Variants in EML1 observed in about 807,000 individuals in gnomAD.
EML1 encodes echinoderm microtubule-associated protein-like 1.
EML1 carries 27 observed loss-of-function variants against 110.4 expected under a neutral mutation model. The ratio of observed to expected loss-of-function variants is 0.24; its 90% CI spans 0.18 to 0.34. The LOEUF is 0.34. Among genes scored for constraint, EML1 ranks in the 10% least tolerant of loss-of-function variants. The pLI is 1.00. For synonymous variants in EML1, 344 were observed against 385.8 expected (o/e 0.89, Z 1.27); for missense variants, 741 against 1,030.9 (o/e 0.72, Z 3.85).
Position 99,914,711 on chromosome 14 carries a change from T to G in EML1, c.1752+14T>G. ...AAAATAATAGAGGTAAACATGCACATTACATTTCCATTTTTCTTACAGAAA... is the reference window on the plus strand; with the variant it reads ...AAAATAATAGAGGTAAACATGCACAGTACATTTCCATTTTTCTTACAGAAA... On this transcript the variant is annotated intron_variant, in intron 15 of 21. Coordinates refer to ENST00000262233, the MANE Select transcript of EML1 (RefSeq NM_004434.3). 2 of 1,593,568 alleles carry G rather than the reference T, an allele frequency of 1.3e-6. No homozygotes were observed. The highest frequency in any genetic ancestry group is 1.9e-5 in the Admixed American group (1 of 53,290).
chr14:99,908,973 T>C (rs1320351236), intron 10 of EML1, among the ~76,000 whole-genome samples: 3 of 152,222 alleles, frequency 2.0e-5, no homozygotes, highest in African/African-American at 7.2e-5. Flanking sequence ...AACCCATGAC[T>C]AGCAGATGAG....
intron 15 of EML1, among the ~76,000 whole-genome samples, chr14:99,917,396 T>G (rs968974718): frequency 3.9e-5 from 6 of 151,944 alleles, no homozygotes; most frequent in African/African-American, 1.2e-4. Context: ...ATAGGGAGAC[T>G]CCATCTCTAC....
At chr14:99,908,323 TTGAC>T in intron 10 of EML1, among the ~76,000 whole-genome samples, 1 of 152,280 alleles carries the variant, frequency 6.6e-6, no homozygotes, top group Non-Finnish European at 1.5e-5. Flanking sequence ...TTCCCTTGCC[TTGAC>T]TGACCTTTTT....
intron 2 of EML1, among the ~76,000 whole-genome samples, chr14:99,853,859 C>T (rs1393974673): frequency 2.0e-5 from 3 of 152,086 alleles, no homozygotes; most frequent in African/African-American, 4.8e-5. Context: ...TTAGTAGAGA[C>T]GGGGTTTCAC....
intron 4 of EML1, among the ~76,000 whole-genome samples, chr14:99,889,721 G>A (rs1023037582): frequency 9.2e-5 from 14 of 152,334 alleles, no homozygotes; most frequent in African/African-American, 3.4e-4. Flanking sequence ...GGAATATAGT[G>A]AAGGGAGATG....
chr14:99,892,090 G>A, intron 5 of EML1: 1 of 975,310 alleles, frequency 1.0e-6, no homozygotes, highest in Non-Finnish European at 1.2e-6. Context: ...CGGGCTCCGG[G>A]GCAGGCAGGC....
chr14:99,900,194 T>C (rs2140016133), intron 8 of EML1, among the ~76,000 whole-genome samples: 1 of 149,168 alleles, frequency 6.7e-6, no homozygotes, highest in Non-Finnish European at 1.5e-5. Context: ...TTTTTTTTTT[T>C]TTTTTTTTTT....
At chr14:99,810,260 ACT>A (rs2058053062) in intron 1 of EML1, among the ~76,000 whole-genome samples, 1 of 152,104 alleles carries the variant, frequency 6.6e-6, no homozygotes, top group Admixed American at 6.5e-5. Context: ...GTTCAGGGAG[ACT>A]CTGTTGACTT....
At chr14:99,920,988 G>A (rs1313723794) in intron 17 of EML1, 111 bp downstream of exon 17, 26 of 1,016,148 alleles carry the variant, frequency 2.6e-5, no homozygotes, top group Non-Finnish European at 3.8e-5. Context: ...CGTGTGCCAT[G>A]GTGGTTTAAC....
intron 1 of EML1, among the ~76,000 whole-genome samples, chr14:99,766,955 G>T (rs897558452): frequency 5.9e-5 from 9 of 152,200 alleles, no homozygotes; most frequent in African/African-American, 2.2e-4. Flanking sequence ...CTTTGAAAAT[G>T]CAGCGTGTCC....
chr14:99,749,586 G>A (rs61110973), intron 1 of EML1, among the ~76,000 whole-genome samples: 3 of 152,348 alleles, frequency 2.0e-5, no homozygotes, highest in Non-Finnish European at 2.9e-5. Flanking sequence ...GAAGCTGCAG[G>A]CTGGGGTTAG....
intron 4 of EML1, chr14:99,885,931 C>G (rs537531502): frequency 4.4e-6 from 2 of 454,580 alleles, no homozygotes; most frequent in South Asian, 3.1e-5. Context: ...GAACACGGAT[C>G]CAGCTGGCCT....
chr14:99,795,694 G>T (rs922507309), intron 1 of EML1, among the ~76,000 whole-genome samples: 1 of 152,106 alleles, frequency 6.6e-6, no homozygotes, highest in African/African-American at 2.4e-5. Flanking sequence ...TTAAACATTT[G>T]GATATTTCAT....
chr14:99,802,556 A>G (rs1489405785), intron 1 of EML1, among the ~76,000 whole-genome samples: 4 of 151,998 alleles, frequency 2.6e-5, no homozygotes, highest in Non-Finnish European at 5.9e-5. Context: ...TTACATTAAG[A>G]GTGGGGAGAG....
At chr14:99,739,065 A>AGAGTGTGTGTGT (rs1555385383) in intron 1 of EML1, among the ~76,000 whole-genome samples, 7 of 138,918 alleles carry the variant, frequency 5.0e-5, no homozygotes, top group African/African-American at 1.1e-4. Flanking sequence ...AGAGTGTGAG[A>AGAGTGTGTGTGT]GTGTGTGTGT....
chr14:99,854,501 C>G (rs1266834051), intron 2 of EML1, among the ~76,000 whole-genome samples: 1 of 152,206 alleles, frequency 6.6e-6, no homozygotes. Flanking sequence ...ACTTGTTCCC[C>G]TGTCCCTGCG....
chr14:99,795,553 G>C (rs1227758742), intron 1 of EML1, among the ~76,000 whole-genome samples: 3 of 152,190 alleles, frequency 2.0e-5, no homozygotes, highest in Non-Finnish European at 4.4e-5. Context: ...TTAGGCAACA[G>C]ATGTTTTGAT....
At chr14:99,831,961 A>G (rs893101925) in intron 1 of EML1, among the ~76,000 whole-genome samples, 2 of 151,826 alleles carry the variant, frequency 1.3e-5, no homozygotes, top group Non-Finnish European at 2.9e-5. Flanking sequence ...TGACATCTGT[A>G]TATGTTCATG....
intron 1 of EML1, among the ~76,000 whole-genome samples, chr14:99,740,202 C>A (rs114233557): frequency 0.021 from 3,134 of 152,216 alleles, 101 homozygotes; most frequent in African/African-American, 0.072. Flanking sequence ...TCAGCTCCAC[C>A]GTGTAACTAA....
Sources: allele counts gnomAD v4.1 joint callset (sites outside exome capture counted in the v4.1 genomes callset), GRCh38; gene constraint gnomAD v4.1.1; transcripts MANE v1.5; gene names NCBI Gene and HGNC (gene_info 2026-07-23, HGNC 2026-07-21).